The following KANK1 variants were observed in gnomAD, a reference collection of about 807,000 sequenced individuals.
KANK1 encodes the protein KN motif and ankyrin repeat domain-containing protein 1.
KANK1 carries 109 observed loss-of-function variants against 106.2 expected under a neutral mutation model. The observed-to-expected ratio is 1.03, with a 90% CI of 0.88 to 1.20. The LOEUF is 1.20. KANK1 is among the 50% of genes most tolerant of loss of function. KANK1 has a pLI of 0.00. For synonymous variants in KANK1, 873 were observed against 652.2 expected, an observed-to-expected ratio of 1.34 and a Z score of -5.16; for missense variants, 2,399 against 1,710.7, an observed-to-expected ratio of 1.40 and a Z score of -7.10.
intron 2 of KANK1, among the ~76,000 whole-genome samples, chr9:708,735 G>A (rs1825037631): frequency 6.6e-6 from 1 of 152,140 alleles, no homozygotes; most frequent in Non-Finnish European, 1.5e-5. Flanking sequence ...ACTTCAAACT[G>A]GACAGCAGTC....
At chr9:671,330 G>C (rs7037588) in intron 1 of KANK1, among the ~76,000 whole-genome samples, 80,971 of 151,456 alleles carry the variant, frequency 0.53, 22,332 homozygotes, top group East Asian at 0.66. Flanking sequence ...GCCTGCTCTA[G>C]TAATTCTGTG....
intron 3 of KANK1, among the ~76,000 whole-genome samples, chr9:499,315 GC>G (rs1224344144): frequency 2.6e-5 from 4 of 151,992 alleles, no homozygotes; most frequent in African/African-American, 9.7e-5. Context: ...ATTAATAATA[GC>G]CCAAAGTGGA....
chr9:623,604 CA>C (rs398010190), intron 1 of KANK1, among the ~76,000 whole-genome samples: 51 of 117,784 alleles, frequency 4.3e-4, no homozygotes, highest in Admixed American at 5.5e-4. Context: ...GATTGTGTCT[CA>C]AAAAAAAAAA....
At chr9:688,917 C>T (rs1299343003) in intron 2 of KANK1, among the ~76,000 whole-genome samples, 2 of 152,186 alleles carry the variant, frequency 1.3e-5, no homozygotes, top group Admixed American at 6.5e-5. Flanking sequence ...GCTGGCTGGC[C>T]TGCTTTCCTT....
At chr9:570,760 T>C (rs957426728) in intron 1 of KANK1, among the ~76,000 whole-genome samples, 2 of 152,214 alleles carry the variant, frequency 1.3e-5, no homozygotes, top group African/African-American at 4.8e-5. Context: ...ATGCCTAAAT[T>C]ATGTTGCTTT....
rs140199563 is a variant in KANK1 at position 742,293 on chromosome 9, T to A, written c.3785T>A (p.Ile1262Asn). Residue 1262 changes from isoleucine to asparagine, a missense_variant, in exon 10 of 12, where the codon ATC becomes AAC. Coordinates refer to ENST00000382297, the MANE Select transcript of KANK1 (RefSeq NM_015158.5). ...GLLACGADVN[I>N]QDDEGSTALM... Reference sequence around the variant, plus strand: ...CTGGCCTGTGGGGCTGATGTCAACATCCAGGATGACGAGGGCTCCACGGCC... The same window carrying A: ...CTGGCCTGTGGGGCTGATGTCAACAACCAGGATGACGAGGGCTCCACGGCC... 1 of 1,614,130 alleles carries A rather than the reference T, an allele frequency of 6.2e-7. No homozygotes were observed. Among genetic ancestry groups the A allele is most frequent in the Non-Finnish European group, 8.5e-7 (1 of 1,180,026 alleles).
intron 1 of KANK1, among the ~76,000 whole-genome samples, chr9:630,288 G>T (rs754386885): frequency 6.6e-6 from 1 of 151,958 alleles, no homozygotes; most frequent in Non-Finnish European, 1.5e-5. Context: ...AGGCACGGTG[G>T]CTCACGCCTG....
Position 605,854 on chromosome 9 carries a change from A to C in KANK1, c.-83-71036A>C, listed in dbSNP as rs1333426388. 2.6e-5 allele frequency among the ~76,000 whole-genome samples: 4 copies of C among 151,696 alleles called. 1 individual carries two copies. Among genetic ancestry groups the C allele is most frequent in the African/African-American group, 9.8e-5 (4 of 41,002 alleles). The stretch of plus-strand genomic sequence containing the variant: ...TTTATTATGGGTTGAGCAGTGATCA[A>C]GATGGGAGAGAGAAATGGTAATGGG... On this transcript the variant is annotated intron_variant, in intron 1 of 11. Coordinates refer to ENST00000382297, the MANE Select transcript of KANK1 (RefSeq NM_015158.5).
chr9:486,043 G>A, intron 3 of KANK1, among the ~76,000 whole-genome samples: 1 of 152,060 alleles, frequency 6.6e-6, no homozygotes, highest in East Asian at 1.9e-4. Flanking sequence ...TTTGACTTGT[G>A]TTTTCCATCT....
intron 3 of KANK1, among the ~76,000 whole-genome samples, chr9:719,260 C>G (rs934414968): frequency 6.6e-6 from 1 of 152,178 alleles, no homozygotes; most frequent in South Asian, 2.1e-4. Flanking sequence ...AGCCAGCGCG[C>G]CCGGCCTCAA....
At chr9:587,537 CTG>C (rs981226306) in intron 1 of KANK1, among the ~76,000 whole-genome samples, 1 of 152,088 alleles carries the variant, frequency 6.6e-6, no homozygotes, top group African/African-American at 2.4e-5. Context: ...AAATCAAAAT[CTG>C]TTACTCTGTT....
chr9:554,111 G>T (rs1449877646), intron 1 of KANK1, among the ~76,000 whole-genome samples: 1 of 152,202 alleles, frequency 6.6e-6, no homozygotes, highest in African/African-American at 2.4e-5. Flanking sequence ...ATAGGAATTG[G>T]CTCATGTGAT....
chr9:620,279 C>T (rs185577677), intron 1 of KANK1, among the ~76,000 whole-genome samples: 8 of 152,154 alleles, frequency 5.3e-5, no homozygotes, highest in Non-Finnish European at 8.8e-5. Flanking sequence ...CCATTCCTTT[C>T]CCACCCTGTC....
At chr9:525,071 T>C (rs188419674) in intron 1 of KANK1, among the ~76,000 whole-genome samples, 1 of 140,656 alleles carries the variant, frequency 7.1e-6, no homozygotes, top group Admixed American at 7.6e-5. Flanking sequence ...CTCAGCTCAC[T>C]GCAACCTCCG....
chr9:669,654 C>G (rs1311876536), intron 1 of KANK1, among the ~76,000 whole-genome samples: 1 of 151,922 alleles, frequency 6.6e-6, no homozygotes. Flanking sequence ...TTTTAGTATC[C>G]TCTTTTTGTC....
chr9:588,194 T>G (rs1383424218), intron 1 of KANK1, among the ~76,000 whole-genome samples: 5 of 152,210 alleles, frequency 3.3e-5, no homozygotes, highest in South Asian at 2.1e-4. Flanking sequence ...TTTACATACT[T>G]CTTTTCCTTA....
chr9:511,797 C>G (rs1464429192), intron 1 of KANK1, among the ~76,000 whole-genome samples: 1 of 152,160 alleles, frequency 6.6e-6, no homozygotes, highest in African/African-American at 2.4e-5. Context: ...GGTGTGATAA[C>G]TGCTGTTTCT....
chr9:525,913 A>G lies in KANK1; in HGVS notation c.-84+21159A>G, dbSNP rs140369727. ...AAATGCATTTGTCACCCAGAGGATC[A>G]ATATTTTTCTAAAATTTCTAAAATA... On this transcript the variant is annotated intron_variant, in intron 1 of 11. Transcript: ENST00000382297. 7.2e-5 allele frequency among the ~76,000 whole-genome samples: 11 copies of G among 151,802 alleles called. No individual in the cohort carries two copies. The East Asian group carries it at 1.9e-3, about 27-fold the overall frequency.
chr9:668,139 A>T (rs1025881519), intron 1 of KANK1, among the ~76,000 whole-genome samples: 3 of 152,200 alleles, frequency 2.0e-5, no homozygotes, highest in Non-Finnish European at 4.4e-5. Flanking sequence ...TTGTGGCCTA[A>T]AATATGGTTT....
Sources: gnomAD v4.1 joint callset for allele counts (sites outside exome capture counted in the v4.1 genomes callset) on GRCh38, gnomAD v4.1.1 for gene constraint, MANE v1.5 for transcripts, NCBI Gene and HGNC (gene_info 2026-07-23, HGNC 2026-07-21) for gene names.